The following GALNTL6 variants were observed in gnomAD, a reference collection of about 807,000 sequenced individuals.
GALNTL6 encodes polypeptide N-acetylgalactosaminyltransferase like 6.
GALNTL6 carries 46 observed loss-of-function variants against 73.7 expected under a neutral mutation model. The observed-to-expected ratio is 0.62, with a 90% CI of 0.49 to 0.80. The LOEUF is 0.80. Among genes scored for constraint, GALNTL6 ranks in the 30% least tolerant of loss-of-function variants. The probability of loss-of-function intolerance (pLI) is 0.00; values close to 1 mark genes in which losing one functional copy is unlikely to be tolerated. For missense variants in GALNTL6, 604 were observed against 755.0 expected (o/e 0.80, Z 2.34); for synonymous variants, 259 against 263.7 (o/e 0.98, Z 0.17).
intron 2 of GALNTL6, among the ~76,000 whole-genome samples, chr4:172,164,506 C>T (rs1239922135): frequency 6.6e-6 from 1 of 151,902 alleles, no homozygotes; most frequent in Non-Finnish European, 1.5e-5. Flanking sequence ...TTTTAATATA[C>T]TTTATTAGTC....
Position 172,097,381 on chromosome 4 carries a change from G to A in GALNTL6, c.139-132275G>A, listed in dbSNP as rs79165001. Among the ~76,000 whole-genome samples the A allele has an allele frequency of 6.8e-3, 1,034 of 152,162 alleles. 15 individuals carry two copies. Among genetic ancestry groups the A allele is most frequent in the African/African-American group, 0.023 (948 of 41,520 alleles). ...AGGATGCAACCAGAAATCCTTCCCC[G>A]CTATGCCCTTGGCAACTGAGGTTGG... On this transcript the variant is annotated intron_variant, in intron 2 of 12. Transcript: ENST00000506823.
At chr4:172,498,241 A>G (rs951544086) in intron 5 of GALNTL6, among the ~76,000 whole-genome samples, 5 of 151,552 alleles carry the variant, frequency 3.3e-5, no homozygotes, top group African/African-American at 9.7e-5. Flanking sequence ...ATCTGCCTCA[A>G]CCTCCCAAAG....
intron 2 of GALNTL6, among the ~76,000 whole-genome samples, chr4:172,221,901 C>T (rs560313095): frequency 1.0e-3 from 159 of 151,844 alleles, no homozygotes; most frequent in African/African-American, 3.6e-3. Context: ...CTGGCACTTT[C>T]GGTTCATTTC....
intron 7 of GALNTL6, among the ~76,000 whole-genome samples, chr4:172,819,622 G>A (rs1426743501): frequency 6.6e-6 from 1 of 152,132 alleles, no homozygotes; most frequent in Admixed American, 6.5e-5. Context: ...GTTGTTAAAT[G>A]TCTACTGCTA....
rs368272296 is a variant in GALNTL6 at position 172,370,260 on chromosome 4, T to C, written c.553+21571T>C. On this transcript the variant is annotated intron_variant, in intron 5 of 12. Transcript: ENST00000506823. ...GTAAGACCTTCTGTATGTAGCTTGA[T>C]GGCCTCGATTCTAGCGGAAACAAAT... 9.5e-4 allele frequency among the ~76,000 whole-genome samples: 144 copies of C among 152,194 alleles called. 3 individuals are homozygous for C. The South Asian group carries it at 0.028, about 29-fold the overall frequency.
intron 2 of GALNTL6, among the ~76,000 whole-genome samples, chr4:171,943,588 A>G (rs1348278395): frequency 6.6e-6 from 1 of 152,196 alleles, no homozygotes; most frequent in Non-Finnish European, 1.5e-5. Flanking sequence ...CTCTCAACTT[A>G]CTTTTCTCAA....
intron 5 of GALNTL6, among the ~76,000 whole-genome samples, chr4:172,378,629 G>C (rs988139663): frequency 6.6e-6 from 1 of 151,968 alleles, no homozygotes; most frequent in East Asian, 1.9e-4. Flanking sequence ...GATGAATAAA[G>C]ATTATTATAA....
At chr4:171,841,587 A>G (rs1318605687) in intron 2 of GALNTL6, among the ~76,000 whole-genome samples, 8 of 152,242 alleles carry the variant, frequency 5.3e-5, no homozygotes, top group African/African-American at 1.9e-4. Flanking sequence ...GAATAATTTG[A>G]TAGAAGAAGA....
Position 171,896,143 on chromosome 4 carries a change from A to G in GALNTL6, c.138+81425A>G, listed in dbSNP as rs182865271. On this transcript the variant is annotated intron_variant, in intron 2 of 12. Transcript: ENST00000506823. ...TAAAACGTAATGGTTGAAATTTTCT[A>G]AAATTTGAATAAAGATTTATATTAC... Among the ~76,000 whole-genome samples the G allele has an allele frequency of 5.8e-3, 877 of 152,346 alleles. 10 individuals carry two copies. Among genetic ancestry groups the G allele is most frequent in the African/African-American group, 0.02 (820 of 41,586 alleles).
chr4:171,876,131 C>A (rs1440482247), intron 2 of GALNTL6, among the ~76,000 whole-genome samples: 1 of 152,086 alleles, frequency 6.6e-6, no homozygotes, highest in Admixed American at 6.6e-5. Context: ...TAAACGGATT[C>A]TTAGCAAGGC....
At chr4:172,072,173 C>G (rs759869171) in intron 2 of GALNTL6, among the ~76,000 whole-genome samples, 45 of 152,234 alleles carry the variant, frequency 3.0e-4, no homozygotes, top group Non-Finnish European at 5.9e-4. Context: ...CTTCATAAGG[C>G]CTGAGAAGCC....
intron 11 of GALNTL6, among the ~76,000 whole-genome samples, chr4:173,012,670 A>C (rs1392037796): frequency 6.6e-6 from 1 of 152,204 alleles, no homozygotes; most frequent in Non-Finnish European, 1.5e-5. Context: ...TTGCACATGC[A>C]GCAGGTGCAG....
At chr4:172,740,474 T>G (rs1204012108) in intron 5 of GALNTL6, among the ~76,000 whole-genome samples, 3 of 152,184 alleles carry the variant, frequency 2.0e-5, no homozygotes, top group African/African-American at 7.2e-5. Context: ...TTGCTAAGAT[T>G]TATTGGTAAC....
intron 2 of GALNTL6, among the ~76,000 whole-genome samples, chr4:172,093,703 G>A (rs1419161718): frequency 1.3e-5 from 2 of 152,152 alleles, no homozygotes; most frequent in Non-Finnish European, 2.9e-5. Flanking sequence ...GAAACCTATC[G>A]TGAACTGCAC....
intron 5 of GALNTL6, among the ~76,000 whole-genome samples, chr4:172,543,432 A>G (rs960440289): frequency 3.9e-5 from 6 of 152,222 alleles, no homozygotes; most frequent in African/African-American, 1.4e-4. Context: ...CTGTGCGCCC[A>G]TGCAAACTGG....
At chr4:172,726,645 T>C (rs1459149859) in intron 5 of GALNTL6, among the ~76,000 whole-genome samples, 1 of 152,216 alleles carries the variant, frequency 6.6e-6, no homozygotes, top group Non-Finnish European at 1.5e-5. Context: ...AGTACAGTGA[T>C]GAAGAATAGG....
intron 2 of GALNTL6, among the ~76,000 whole-genome samples, chr4:172,165,494 C>T (rs539556931): frequency 3.9e-4 from 59 of 152,184 alleles, no homozygotes; most frequent in African/African-American, 1.4e-3. Flanking sequence ...CAATGACTTA[C>T]TATGTAATTT....
chr4:172,910,408 T>C (rs951248264), intron 8 of GALNTL6, among the ~76,000 whole-genome samples: 1 of 152,166 alleles, frequency 6.6e-6, no homozygotes, highest in African/African-American at 2.4e-5. Flanking sequence ...TGACTTGGTA[T>C]TTATATGCCA....
intron 5 of GALNTL6, among the ~76,000 whole-genome samples, chr4:172,377,038 C>T (rs957705703): frequency 1.3e-5 from 2 of 152,068 alleles, no homozygotes; most frequent in African/African-American, 2.4e-5. Context: ...AGCGAAAGAA[C>T]AAAGCTTCCA....
Sources: gnomAD v4.1 joint callset for allele counts (sites outside exome capture counted in the v4.1 genomes callset) on GRCh38, gnomAD v4.1.1 for gene constraint, MANE v1.5 for transcripts, NCBI Gene and HGNC (gene_info 2026-07-23, HGNC 2026-07-21) for gene names.